The following NFE2L2 variants were observed in gnomAD, a reference collection of about 807,000 sequenced individuals.
The protein encoded by NFE2L2 is nuclear factor erythroid 2-related factor 2.
NFE2L2 carries 20 observed loss-of-function variants against 49.6 expected under a neutral mutation model. That is an observed-to-expected ratio of 0.40 (90% confidence interval 0.28 to 0.59). NFE2L2 has a LOEUF of 0.59. NFE2L2 is among the 20% of genes least tolerant of loss of function. NFE2L2 has a pLI of 0.40. For synonymous variants in NFE2L2, 244 were observed against 256.5 expected (o/e 0.95, Z 0.47); for missense variants, 578 against 714.2 (o/e 0.81, Z 2.17).
intron 1 of NFE2L2, chr2:177,263,967 C>G: frequency 5.1e-6 from 5 of 984,254 alleles, no homozygotes; most frequent in Non-Finnish European, 4.8e-6. Context: ...GACGGCCCAG[C>G]GGGGTGAGCG....
intron 1 of NFE2L2, among the ~76,000 whole-genome samples, chr2:177,244,188 C>G (rs571287188): frequency 2.5e-4 from 38 of 151,742 alleles, no homozygotes; most frequent in Middle Eastern, 3.4e-3. Context: ...GTAGTCCCAG[C>G]TACTCGGGAG....
intron 1 of NFE2L2, among the ~76,000 whole-genome samples, chr2:177,256,237 A>G (rs1301011697): frequency 6.6e-6 from 1 of 152,192 alleles, no homozygotes; most frequent in East Asian, 1.9e-4. Flanking sequence ...ACAAAAGGCA[A>G]CAAAGAACTA....
chr2:177,259,138 C>G (rs920301100), intron 1 of NFE2L2, among the ~76,000 whole-genome samples: 9 of 152,236 alleles, frequency 5.9e-5, no homozygotes, highest in Admixed American at 3.9e-4. Flanking sequence ...TCCATCTCTA[C>G]TAAAAATACA....
chr2:177,233,858 T>A, intron 2 of NFE2L2, 147 bp downstream of exon 2: 3 of 1,015,400 alleles, frequency 3.0e-6, no homozygotes, highest in Non-Finnish European at 4.2e-6. Flanking sequence ...GGTACTGAAC[T>A]CATCAGGAGG....
At chr2:177,246,774 C>T (rs1340943517) in intron 1 of NFE2L2, among the ~76,000 whole-genome samples, 5 of 117,508 alleles carry the variant, frequency 4.3e-5, no homozygotes, top group South Asian at 2.8e-4. Context: ...TAATATTTTA[C>T]TTTTTTTTTT....
chr2:177,240,629 T>C (rs1217647124), intron 1 of NFE2L2, among the ~76,000 whole-genome samples: 1 of 152,206 alleles, frequency 6.6e-6, no homozygotes, highest in African/African-American at 2.4e-5. Context: ...GTTTAAAAAA[T>C]ATATATCATC....
chr2:177,247,866 C>T (rs996623377), intron 1 of NFE2L2, among the ~76,000 whole-genome samples: 1 of 152,030 alleles, frequency 6.6e-6, no homozygotes, highest in African/African-American at 2.4e-5. Context: ...CTGGGGTACC[C>T]GCAGATAAGA....
intron 1 of NFE2L2, among the ~76,000 whole-genome samples, chr2:177,237,679 C>A (rs549725100): frequency 8.5e-5 from 13 of 152,110 alleles, no homozygotes; most frequent in Non-Finnish European, 1.9e-4. Context: ...CCACCATGCC[C>A]GGCTAATTTT....
At position 177,230,897 on chromosome 2, in the gene NFE2L2, C is replaced by T. The variant is rs765321668; in HGVS notation, c.1706G>A (p.Arg569His). The T allele has an allele frequency of 6.2e-6, 10 of 1,613,932 alleles. No homozygotes were observed. The highest frequency in any genetic ancestry group is 5.3e-5 in the African/African-American group (4 of 74,912). The change falls in exon 5 of 5, where the codon CGT (arginine) becomes CAT (histidine). Residue 569 changes from arginine (R) to histidine (H), a missense_variant. This residue lies in a region of NFE2L2 where 117 missense variants were observed against 175.8 expected (regional missense o/e 0.67). Coordinates refer to ENST00000397062, the MANE Select transcript of NFE2L2 (RefSeq NM_006164.5). ...TLYLEVFSML[R>H]DEDGKPYSPS... ...AGAATAAGGTTTTCCATCTTCATCA[C>T]GTAGCATGCTGAAAACTTCGAGATA...
chr2:177,236,894 G>T (rs749226540), intron 1 of NFE2L2, among the ~76,000 whole-genome samples: 1 of 151,872 alleles, frequency 6.6e-6, no homozygotes, highest in East Asian at 1.9e-4. Flanking sequence ...TTGAGATAGG[G>T]TCTCACTCTG....
chr2:177,247,379 AG>A (rs905262266), intron 1 of NFE2L2, among the ~76,000 whole-genome samples: 3 of 152,188 alleles, frequency 2.0e-5, no homozygotes, highest in Non-Finnish European at 4.4e-5. Context: ...AAAGGAATAA[AG>A]GCCGGGCGCC....
At chr2:177,232,029 TA>T in intron 4 of NFE2L2, 21 bp from the exon 5 acceptor site, 1 of 1,558,426 alleles carries the variant, frequency 6.4e-7, no homozygotes, top group Non-Finnish European at 8.7e-7. Flanking sequence ...AGGAAGTTTA[TA>T]CTATATAAAT....
intron 1 of NFE2L2, among the ~76,000 whole-genome samples, chr2:177,254,274 T>C (rs1690441061): frequency 6.6e-6 from 1 of 152,212 alleles, no homozygotes; most frequent in Non-Finnish European, 1.5e-5. Context: ...AAATAAAATA[T>C]ACCCAGACTC....
At chr2:177,257,793 C>G (rs923025470) in intron 1 of NFE2L2, among the ~76,000 whole-genome samples, 1 of 152,236 alleles carries the variant, frequency 6.6e-6, no homozygotes, top group African/African-American at 2.4e-5. Context: ...AGCCGGAACC[C>G]TGTTGTAAAC....
chr2:177,233,635 T>G, intron 2 of NFE2L2: 1 of 499,184 alleles, frequency 2.0e-6, no homozygotes, highest in South Asian at 2.5e-5. Context: ...GTTAATTAAA[T>G]CAGTCAGTAT....
chr2:177,242,412 T>C (rs1334838879), intron 1 of NFE2L2, among the ~76,000 whole-genome samples: 5 of 152,224 alleles, frequency 3.3e-5, no homozygotes, highest in Non-Finnish European at 5.9e-5. Flanking sequence ...TTTAACAGCA[T>C]AAAAAAGCCC....
intron 1 of NFE2L2, among the ~76,000 whole-genome samples, chr2:177,237,026 A>T (rs1024282648): frequency 6.6e-6 from 1 of 151,954 alleles, no homozygotes; most frequent in Non-Finnish European, 1.5e-5. Context: ...CACCAAGCCC[A>T]GCTAATTACT....
At chr2:177,251,954 C>A (rs569660558) in intron 1 of NFE2L2, among the ~76,000 whole-genome samples, 1 of 131,158 alleles carries the variant, frequency 7.6e-6, no homozygotes, top group African/African-American at 2.9e-5. Context: ...TGCAGTGAGC[C>A]GAGATCACAC....
At chr2:177,263,683 C>A (rs1037264653) in intron 1 of NFE2L2, 6 of 985,400 alleles carry the variant, frequency 6.1e-6, no homozygotes, top group Non-Finnish European at 6.0e-6. Flanking sequence ...GAACTAGAAG[C>A]CCCGGGTGCC....
Sources: gnomAD v4.1 joint callset for allele counts (sites outside exome capture counted in the v4.1 genomes callset) on GRCh38, gnomAD v4.1.1 for gene constraint, gnomAD v4.1.1 regional missense constraint, MANE v1.5 for transcripts, NCBI Gene and HGNC (gene_info 2026-07-23, HGNC 2026-07-21) for gene names.